SETBP1: variants seen among roughly 807,000 people sequenced by gnomAD.
SETBP1 encodes the protein SET binding protein 1.
A neutral mutation model predicts 101.0 loss-of-function variants in SETBP1; 9 were observed. The observed-to-expected ratio is 0.09, with a 90% CI of 0.05 to 0.16. SETBP1 has a LOEUF of 0.16. Among genes scored for constraint, SETBP1 ranks in the 10% least tolerant of loss-of-function variants. The probability of loss-of-function intolerance (pLI) is 1.00; values close to 1 mark genes in which losing one functional copy is unlikely to be tolerated. For missense variants in SETBP1, 1,858 were observed against 2,033.8 expected, an observed-to-expected ratio of 0.91 and a Z score of 1.66; for synonymous variants, 818 against 788.5, an observed-to-expected ratio of 1.04 and a Z score of -0.63.
chr18:44,936,422 C>T (rs1181810042), intron 3 of SETBP1, among the ~76,000 whole-genome samples: 1 of 152,238 alleles, frequency 6.6e-6, no homozygotes, highest in African/African-American at 2.4e-5. Context: ...CTTGCAGCTC[C>T]ACACTAATTT....
intron 2 of SETBP1, among the ~76,000 whole-genome samples, chr18:44,856,857 G>T (rs889392906): frequency 6.6e-6 from 1 of 152,172 alleles, no homozygotes; most frequent in Non-Finnish European, 1.5e-5. Flanking sequence ...AAAGAAGTTG[G>T]TATTCTTTTC....
At position 44,913,215 on chromosome 18, in the gene SETBP1, G is replaced by A. The variant is rs970908213; in HGVS notation, c.541-36666G>A. Among the ~76,000 whole-genome samples the A allele has an allele frequency of 3.3e-5, 5 of 152,240 alleles. No individual in the cohort carries two copies. In the South Asian group the frequency reaches 6.2e-4, roughly 19 times the overall value. ...GAAGGTTAAGTTCAGCTTCCCATAC[G>A]CCCACAGAACAAGTCTCGGGCAAGA... On this transcript the variant is annotated intron_variant, in intron 3 of 5. Coordinates refer to ENST00000649279, the MANE Select transcript of SETBP1 (RefSeq NM_015559.3).
At position 45,057,465 on chromosome 18, in the gene SETBP1, C is replaced by G. The variant is rs548556868; in HGVS notation, c.4172-5614C>G. 2.0e-5 allele frequency among the ~76,000 whole-genome samples: 3 copies of G among 152,154 alleles called. No homozygotes were observed. In the South Asian group the frequency reaches 6.2e-4, roughly 32 times the overall value. On this transcript the variant is annotated intron_variant, in intron 5 of 5. Transcript: ENST00000649279. ...TATTTGCTGATCACATAGTATGCACCAGATCAGGTACTGCTGTATCAATGG... is the reference window on the plus strand; with the variant it reads ...TATTTGCTGATCACATAGTATGCACGAGATCAGGTACTGCTGTATCAATGG...
chr18:44,836,378 T>C (rs2072495586), intron 2 of SETBP1, among the ~76,000 whole-genome samples: 1 of 152,050 alleles, frequency 6.6e-6, no homozygotes, highest in African/African-American at 2.4e-5. Context: ...CAAGAAAAAA[T>C]GTCAGATTGT....
intron 4 of SETBP1, among the ~76,000 whole-genome samples, chr18:44,984,440 C>G (rs2072184380): frequency 6.6e-6 from 1 of 152,194 alleles, no homozygotes; most frequent in African/African-American, 2.4e-5. Context: ...CTATGAGAAT[C>G]TAATGCTGCT....
intron 5 of SETBP1, among the ~76,000 whole-genome samples, chr18:45,057,890 C>T (rs1599504709): frequency 6.6e-6 from 1 of 152,156 alleles, no homozygotes; most frequent in Non-Finnish European, 1.5e-5. Flanking sequence ...GCTCAGGGGG[C>T]CTACTGTATG....
intron 1 of SETBP1, among the ~76,000 whole-genome samples, chr18:44,699,803 C>T (rs2144184128): frequency 6.6e-6 from 1 of 152,346 alleles, no homozygotes; most frequent in Admixed American, 6.5e-5. Flanking sequence ...GCCTTCCTGG[C>T]TGGCTTCCTC....
rs1164287092 is a variant in SETBP1 at position 45,038,646 on chromosome 18, T to G, written c.4162T>G (p.Ser1388Ala). ...TCTCCTTGCTGCATCTGCAGCAACG[T>G]CGGATGCAGGTGAGCACTTTTCAGA... Reference protein sequence around the residue: ...LSLLAASAATSDAVGSSLKKR... With the variant: ...LSLLAASAATADAVGSSLKKR... The change falls in exon 5 of 6, where the codon TCG becomes GCG. Residue 1388 changes from serine (S) to alanine (A), a missense_variant. Coordinates refer to ENST00000649279, the MANE Select transcript of SETBP1 (RefSeq NM_015559.3). The G allele has an allele frequency of 6.2e-7, 1 of 1,613,900 alleles. No homozygotes were observed. Among genetic ancestry groups the G allele is most frequent in the Non-Finnish European group, 8.5e-7 (1 of 1,179,962 alleles).
intron 2 of SETBP1, among the ~76,000 whole-genome samples, chr18:44,760,900 TATG>T (rs2070625652): frequency 6.6e-6 from 1 of 152,222 alleles, no homozygotes; most frequent in Non-Finnish European, 1.5e-5. Context: ...AAGTTATGTT[TATG>T]ATATCAAAGA....
chr18:44,981,610 G>T (rs1599406413), intron 4 of SETBP1, among the ~76,000 whole-genome samples: 1 of 152,194 alleles, frequency 6.6e-6, no homozygotes, highest in South Asian at 2.1e-4. Flanking sequence ...GCATCCAGGG[G>T]TTATTATGGC....
At chr18:44,821,340 G>GTCA (rs1216900624) in intron 2 of SETBP1, among the ~76,000 whole-genome samples, 1 of 152,206 alleles carries the variant, frequency 6.6e-6, no homozygotes, top group African/African-American at 2.4e-5. Context: ...TTTTGCATCT[G>GTCA]TCATTATGGT....
At chr18:44,876,729 T>C (rs1480682582) in intron 3 of SETBP1, 2 of 1,542,106 alleles carry the variant, frequency 1.3e-6, no homozygotes, top group Admixed American at 2.0e-5. Context: ...ACAGTGAACC[T>C]GCAGTCTGGG....
At chr18:44,910,806 A>C (rs2070290160) in intron 3 of SETBP1, among the ~76,000 whole-genome samples, 1 of 152,152 alleles carries the variant, frequency 6.6e-6, no homozygotes, top group Non-Finnish European at 1.5e-5. Context: ...GCTCTCCTCT[A>C]GTGCCTCCCC....
At chr18:44,845,677 G>A (rs2072710837) in intron 2 of SETBP1, among the ~76,000 whole-genome samples, 1 of 151,986 alleles carries the variant, frequency 6.6e-6, no homozygotes, top group Non-Finnish European at 1.5e-5. Context: ...TTTCCCCATG[G>A]GCAGCTGGCT....
At chr18:44,821,322 C>G (rs1308309214) in intron 2 of SETBP1, among the ~76,000 whole-genome samples, 1 of 152,246 alleles carries the variant, frequency 6.6e-6, no homozygotes, top group Admixed American at 6.5e-5. Flanking sequence ...GCTGGTGCGT[C>G]TCTTTCCTTT....
intron 4 of SETBP1, among the ~76,000 whole-genome samples, chr18:44,985,313 A>C (rs952572459): frequency 6.6e-6 from 1 of 152,210 alleles, no homozygotes; most frequent in African/African-American, 2.4e-5. Flanking sequence ...GCTAAGCAGT[A>C]GGTACTATTG....
intron 2 of SETBP1, among the ~76,000 whole-genome samples, chr18:44,836,006 C>T (rs1007612492): frequency 1.3e-5 from 2 of 152,200 alleles, no homozygotes; most frequent in East Asian, 1.9e-4. Context: ...CCTTCTGATC[C>T]GGCAACTAAT....
intron 3 of SETBP1, among the ~76,000 whole-genome samples, chr18:44,926,012 C>T (rs2070697661): frequency 6.6e-6 from 1 of 152,154 alleles, no homozygotes. Context: ...GGGGACATTA[C>T]AGTGAGGGTA....
intron 3 of SETBP1, among the ~76,000 whole-genome samples, chr18:44,893,423 C>T (rs1460552327): frequency 2.0e-5 from 3 of 152,140 alleles, no homozygotes; most frequent in Non-Finnish European, 4.4e-5. Flanking sequence ...TAAATTCACA[C>T]AATTTGTAAC....
Sources: allele counts gnomAD v4.1 joint callset (sites outside exome capture counted in the v4.1 genomes callset), GRCh38; gene constraint gnomAD v4.1.1; transcripts MANE v1.5; gene names NCBI Gene and HGNC (gene_info 2026-07-23, HGNC 2026-07-21).